Variants in RASAL2 observed in about 807,000 individuals in gnomAD.
RASAL2 encodes RAS protein activator like 2.
Under a neutral mutation model 128.9 loss-of-function variants are expected in RASAL2, and 58 were observed. That is an observed-to-expected ratio of 0.45 (90% confidence interval 0.36 to 0.56). The LOEUF is 0.56. Among genes scored for constraint, RASAL2 ranks in the 20% least tolerant of loss-of-function variants. The pLI is 0.00. For synonymous variants in RASAL2, 561 were observed against 580.8 expected, an observed-to-expected ratio of 0.97 and a Z score of 0.49; for missense variants, 1,360 against 1,601.6, an observed-to-expected ratio of 0.85 and a Z score of 2.57.
At chr1:178,359,423 G>T (rs943977036) in intron 3 of RASAL2, among the ~76,000 whole-genome samples, 3 of 152,056 alleles carry the variant, frequency 2.0e-5, no homozygotes, top group Admixed American at 2.0e-4. Flanking sequence ...AATATAGCAG[G>T]TCATTGAAAA....
At chr1:178,212,479 G>A (rs1663285942) in intron 1 of RASAL2, among the ~76,000 whole-genome samples, 2 of 152,070 alleles carry the variant, frequency 1.3e-5, no homozygotes, top group Admixed American at 1.3e-4. Flanking sequence ...AGATGATGTA[G>A]ACTTCTAACT....
At chr1:178,392,147 T>C (rs1672948617) in intron 4 of RASAL2, among the ~76,000 whole-genome samples, 1 of 152,176 alleles carries the variant, frequency 6.6e-6, no homozygotes, top group Non-Finnish European at 1.5e-5. Context: ...TGAGACCCTA[T>C]ATATAGCCTA....
chr1:178,224,551 A>C (rs1402267010), intron 1 of RASAL2, among the ~76,000 whole-genome samples: 1 of 152,142 alleles, frequency 6.6e-6, no homozygotes, highest in Non-Finnish European at 1.5e-5. Flanking sequence ...AGGACTTTGT[A>C]CTTTTGAAAG....
At chr1:178,322,644 A>G (rs953400880) in intron 3 of RASAL2, among the ~76,000 whole-genome samples, 2 of 152,278 alleles carry the variant, frequency 1.3e-5, no homozygotes, top group Admixed American at 1.3e-4. Context: ...AAATATCTGA[A>G]TAGCTACTCA....
Position 178,441,542 on chromosome 1 carries a change from G to A in RASAL2, c.829-7G>A, listed in dbSNP as rs376930676. On this transcript the variant is annotated splice_polypyrimidine_tract_variant and splice_region_variant and intron_variant, in intron 6 of 17. Coordinates refer to ENST00000367649, the MANE Select transcript of RASAL2 (RefSeq NM_170692.4). ...TCTTTTTCTTATGTCTAATTTTTAT[G>A]TTGAAGGTTACCTACTTAAGTGGAA... The A allele has an allele frequency of 1.6e-4, 260 of 1,607,784 alleles. No individual in the cohort carries two copies. In the African/African-American group the frequency reaches 3.2e-3, roughly 20 times the overall value.
intron 4 of RASAL2, among the ~76,000 whole-genome samples, chr1:178,403,406 T>C (rs1357064361): frequency 6.6e-6 from 1 of 152,156 alleles, no homozygotes; most frequent in Admixed American, 6.5e-5. Context: ...ATGAGCTCAA[T>C]GTGTTTGTTT....
chr1:178,225,920 T>A (rs1482972428), intron 1 of RASAL2, among the ~76,000 whole-genome samples: 2 of 152,176 alleles, frequency 1.3e-5, no homozygotes, highest in Admixed American at 6.5e-5. Context: ...TCTTTGATTC[T>A]TAGCACACTA....
chr1:178,235,468 G>A (rs1664189533), intron 1 of RASAL2, among the ~76,000 whole-genome samples: 1 of 152,142 alleles, frequency 6.6e-6, no homozygotes, highest in African/African-American at 2.4e-5. Context: ...AGCACATACA[G>A]AGTTTAAGTT....
At chr1:178,308,357 C>G (rs1391322110) in intron 3 of RASAL2, among the ~76,000 whole-genome samples, 3 of 152,014 alleles carry the variant, frequency 2.0e-5, no homozygotes, top group South Asian at 2.1e-4. Context: ...GAAAAGCCAG[C>G]CTTTTACTTT....
In RASAL2 at chr1:178,478,591, A is replaced by C. The variant is rs1301448261; in HGVS notation, c.*5352A>C. ...TAAATAATTTATTTTTTATTTCAAGAAAGAGAAATACACCTTAGAAAAACA... is the reference window on the plus strand; with the variant it reads ...TAAATAATTTATTTTTTATTTCAAGCAAGAGAAATACACCTTAGAAAAACA... On this transcript the variant is annotated 3_prime_UTR_variant, in exon 18 of 18. Coordinates refer to ENST00000367649, the MANE Select transcript of RASAL2 (RefSeq NM_170692.4). 2.6e-5 allele frequency: 4 copies of C among 152,218 alleles called. No homozygotes were observed. Among genetic ancestry groups the C allele is most frequent in the Admixed American group, 2.0e-4 (3 of 15,284 alleles). 9.4% of individuals were successfully genotyped at this position (152,218 alleles called of 1,614,324 possible).
chr1:178,426,234 G>A (rs927390723), intron 5 of RASAL2, among the ~76,000 whole-genome samples: 3 of 152,150 alleles, frequency 2.0e-5, no homozygotes, highest in Admixed American at 2.0e-4. Flanking sequence ...TAGGCAAAAA[G>A]TGATAACAAC....
intron 3 of RASAL2, among the ~76,000 whole-genome samples, chr1:178,317,253 C>CT (rs1399476063): frequency 7.2e-6 from 1 of 138,880 alleles, no homozygotes; most frequent in Non-Finnish European, 1.5e-5. Flanking sequence ...CTAAAATTCT[C>CT]TTTTTTGGTT....
At chr1:178,259,586 T>C (rs34437852) in intron 1 of RASAL2, among the ~76,000 whole-genome samples, 12,073 of 152,282 alleles carry the variant, frequency 0.079, 546 homozygotes, top group Middle Eastern at 0.14. Context: ...TGTTTTGTTT[T>C]GTTTTTAGAG....
intron 1 of RASAL2, among the ~76,000 whole-genome samples, chr1:178,249,228 T>G (rs1007032116): frequency 6.6e-6 from 1 of 152,054 alleles, no homozygotes; most frequent in African/African-American, 2.4e-5. Context: ...CTTGGAGGCT[T>G]TGTTCGTTCC....
chr1:178,130,214 G>A (rs1660051927), intron 1 of RASAL2, among the ~76,000 whole-genome samples: 1 of 151,968 alleles, frequency 6.6e-6, no homozygotes, highest in African/African-American at 2.4e-5. Context: ...TGTCACTCTG[G>A]GCCTGTGGTC....
At chr1:178,213,454 T>C (rs1296295856) in intron 1 of RASAL2, among the ~76,000 whole-genome samples, 1 of 152,004 alleles carries the variant, frequency 6.6e-6, no homozygotes, top group African/African-American at 2.4e-5. Context: ...TACAGGAATA[T>C]TAATGGCAGC....
chr1:178,184,902 A>T (rs980713933), intron 1 of RASAL2, among the ~76,000 whole-genome samples: 1 of 152,066 alleles, frequency 6.6e-6, no homozygotes, highest in African/African-American at 2.4e-5. Context: ...ACAAATAGGG[A>T]AGAATTGAAT....
chr1:178,125,936 C>A (rs34534201), intron 1 of RASAL2, among the ~76,000 whole-genome samples: 2 of 152,114 alleles, frequency 1.3e-5, no homozygotes, highest in South Asian at 2.1e-4. Flanking sequence ...TACTTGGACA[C>A]CTACCTAAGG....
At chr1:178,397,436 AC>A (rs1211751929) in intron 4 of RASAL2, among the ~76,000 whole-genome samples, 1 of 152,204 alleles carries the variant, frequency 6.6e-6, no homozygotes, top group East Asian at 1.9e-4. Flanking sequence ...ATCTATACAG[AC>A]CAAAAAAGAG....
Sources: gnomAD v4.1 joint callset for allele counts (sites outside exome capture counted in the v4.1 genomes callset) on GRCh38, gnomAD v4.1.1 for gene constraint, MANE v1.5 for transcripts, NCBI Gene and HGNC (gene_info 2026-07-23, HGNC 2026-07-21) for gene names.